Variants in ZNF362 observed in about 807,000 individuals in gnomAD.
The protein encoded by ZNF362 is rotund homolog.
Under a neutral mutation model 42.9 loss-of-function variants are expected in ZNF362, and 11 were observed. That is an observed-to-expected ratio of 0.26 (90% CI 0.16 to 0.42). ZNF362 has a LOEUF of 0.42. ZNF362 is among the 20% of genes least tolerant of loss of function. The pLI is 1.00. For synonymous variants in ZNF362, 255 were observed against 257.3 expected (o/e 0.99, Z 0.09); for missense variants, 362 against 576.2 (o/e 0.63, Z 3.81).
the ZNF362 span, chr1:33,159,760 T>G: frequency 6.2e-7 from 1 of 1,613,594 alleles, no homozygotes; most frequent in Non-Finnish European, 8.5e-7. The surrounding 1 kb of genome is among the most constrained non-coding windows in gnomAD (Gnocchi z 4.2). Flanking sequence ...CTGCAGGATC[T>G]GGGCTCCCTC....
chr1:33,264,623 G>A (rs1024197650), intron 1 of ZNF362, among the ~76,000 whole-genome samples: 5 of 152,164 alleles, frequency 3.3e-5, no homozygotes, highest in African/African-American at 1.2e-4. Context: ...CCCTTGAGCT[G>A]TCACATTTCC....
chr1:33,155,501 T>A, the ZNF362 span, among the ~76,000 whole-genome samples: 1 of 152,042 alleles, frequency 6.6e-6, no homozygotes, highest in Non-Finnish European at 1.5e-5. Flanking sequence ...TGAGCCTTGG[T>A]CTCCCCAGCC....
At chr1:33,228,306 T>C in the ZNF362 span, among the ~76,000 whole-genome samples, 4 of 152,098 alleles carry the variant, frequency 2.6e-5, no homozygotes, top group Non-Finnish European at 4.4e-5. Flanking sequence ...CTTGCTATGC[T>C]CACTCCTAGA....
the ZNF362 span, among the ~76,000 whole-genome samples, chr1:33,135,094 T>C: frequency 1.3e-5 from 2 of 152,200 alleles, no homozygotes; most frequent in Non-Finnish European, 2.9e-5. Context: ...AAGACCAGCC[T>C]GGCCAACATG....
chr1:33,131,742 A>G, the ZNF362 span, among the ~76,000 whole-genome samples: 1 of 152,224 alleles, frequency 6.6e-6, no homozygotes, highest in South Asian at 2.1e-4. Flanking sequence ...AACAGCCAAA[A>G]TATGGCTATT....
rs1645948333 is a variant in ZNF362, at chr1:33,276,517, T to A, written c.272T>A (p.Val91Glu). ...AVMSLPKLQQ[V>E]PGLHPQAVPQ... ...ATGTCGCTGCCCAAGCTGCAGCAGG[T>A]GCCGGGGCTGCATCCACAGGCGGTG... The change falls in exon 4 of 9, where the codon GTG (valine) becomes GAG (glutamate). Residue 91 changes from valine to glutamate, a missense_variant. Coordinates refer to ENST00000539719, the MANE Select transcript of ZNF362 (RefSeq NM_152493.3). 1 of 1,553,216 alleles carries A rather than the reference T, an allele frequency of 6.4e-7. No individual in the cohort carries two copies. Among genetic ancestry groups the A allele is most frequent in the Non-Finnish European group, 8.7e-7 (1 of 1,154,312 alleles).
chr1:33,162,538 C>G, the ZNF362 span, among the ~76,000 whole-genome samples: 1 of 152,224 alleles, frequency 6.6e-6, no homozygotes, highest in Non-Finnish European at 1.5e-5. Flanking sequence ...GTGCCCATCC[C>G]AGAGCCTGGT....
intron 6 of ZNF362, among the ~76,000 whole-genome samples, chr1:33,285,798 C>CA (rs2148119039): frequency 6.6e-6 from 1 of 152,310 alleles, no homozygotes; most frequent in South Asian, 2.1e-4. Context: ...TGCCATGGCT[C>CA]ACGCCTGTAA....
chr1:33,231,935 T>A, the ZNF362 span, among the ~76,000 whole-genome samples: 1 of 152,110 alleles, frequency 6.6e-6, no homozygotes, highest in Non-Finnish European at 1.5e-5. Context: ...GAACTGAAAT[T>A]ACTGTTATTG....
the ZNF362 span, among the ~76,000 whole-genome samples, chr1:33,160,386 C>G: frequency 2.0e-5 from 3 of 151,844 alleles, no homozygotes; most frequent in East Asian, 5.8e-4. Context: ...ATAGTGAAGT[C>G]TTTATTTTTT....
intron 1 of ZNF362, among the ~76,000 whole-genome samples, chr1:33,263,096 C>T (rs531992753): frequency 1.7e-4 from 26 of 152,366 alleles, no homozygotes; most frequent in South Asian, 6.2e-4. Flanking sequence ...TGTGTTTTTA[C>T]ATGTAGATGA....
upstream of ZNF362, among the ~76,000 whole-genome samples, chr1:33,253,152 G>A (rs115100047): frequency 0.029 from 4,301 of 149,826 alleles, 199 homozygotes; most frequent in African/African-American, 0.099. Flanking sequence ...ATACCAGACA[G>A]AGGGAACAGC....
chr1:33,250,883 G>GAAGAAGAAGAAGAAA, the ZNF362 span, among the ~76,000 whole-genome samples: 125 of 152,076 alleles, frequency 8.2e-4, no homozygotes, highest in Admixed American at 1.4e-3. Context: ...AGAAGAAGAA[G>GAAGAAGAAGAAGAAA]AAGAAGAAGA....
intron 6 of ZNF362, among the ~76,000 whole-genome samples, chr1:33,289,270 C>T (rs1219817007): frequency 2.6e-5 from 4 of 152,120 alleles, no homozygotes; most frequent in African/African-American, 7.2e-5. Flanking sequence ...CTCTCAGGAG[C>T]GCAGTGGCAG....
At chr1:33,195,132 T>C in the ZNF362 span, 5 of 152,360 alleles carry the variant, frequency 3.3e-5, no homozygotes, top group East Asian at 9.6e-4. Flanking sequence ...TAGATGCCAG[T>C]GGACTAATAC....
At chr1:33,189,880 C>A in the ZNF362 span, among the ~76,000 whole-genome samples, 4 of 151,400 alleles carry the variant, frequency 2.6e-5, no homozygotes, top group Non-Finnish European at 4.4e-5. Flanking sequence ...GGAAAATAGT[C>A]ACAGGAGGGT....
the ZNF362 span, among the ~76,000 whole-genome samples, chr1:33,247,118 C>A: frequency 2.0e-5 from 3 of 152,190 alleles, no homozygotes; most frequent in Non-Finnish European, 1.5e-5. Context: ...GGCTGTTCAA[C>A]CCTTTCTAGA....
chr1:33,138,628 A>AC, the ZNF362 span, among the ~76,000 whole-genome samples: 127 of 128,736 alleles, frequency 9.9e-4, 2 homozygotes, highest in African/African-American at 3.3e-3. Context: ...AACAACAACA[A>AC]AAAAAAAAAA....
At chr1:33,154,396 A>C in the ZNF362 span, among the ~76,000 whole-genome samples, 1 of 152,198 alleles carries the variant, frequency 6.6e-6, no homozygotes. Context: ...TCAGCCTGGC[A>C]TTCAAGGCCC....
Sources: allele counts gnomAD v4.1 joint callset (sites outside exome capture counted in the v4.1 genomes callset), GRCh38; gene constraint gnomAD v4.1.1; non-coding constraint Gnocchi (gnomAD v3.1); transcripts MANE v1.5; gene names NCBI Gene and HGNC (gene_info 2026-07-23, HGNC 2026-07-21).